GPC6: variants seen among roughly 807,000 people sequenced by gnomAD.
GPC6 encodes the protein glypican-6.
In GPC6, 14 loss-of-function variants were observed where a neutral mutation model predicts 55.2. That is an observed-to-expected ratio of 0.25 (90% CI 0.17 to 0.40). The LOEUF is 0.40. Ranked by LOEUF, GPC6 falls within the 10% of genes least tolerant of loss-of-function variation. The pLI, the probability that GPC6 is intolerant of heterozygous loss-of-function variation, is 1.00. For synonymous variants in GPC6, 278 were observed against 259.6 expected (o/e 1.07, Z -0.68); for missense variants, 641 against 708.5 (o/e 0.90, Z 1.08).
intron 2 of GPC6, among the ~76,000 whole-genome samples, chr13:93,712,676 T>C (rs1883111797): frequency 6.6e-6 from 1 of 151,744 alleles, no homozygotes; most frequent in South Asian, 2.1e-4. Context: ...TGATATATTT[T>C]GTCCTGTTTT....
intron 2 of GPC6, among the ~76,000 whole-genome samples, chr13:93,696,883 CAA>C (rs1450485986): frequency 6.6e-6 from 1 of 152,056 alleles, no homozygotes; most frequent in Admixed American, 6.6e-5. Flanking sequence ...CTCGGCCTCC[CAA>C]AGTGCTAGGA....
chr13:93,969,895 C>G (rs1363806700), intron 3 of GPC6, among the ~76,000 whole-genome samples: 1 of 152,104 alleles, frequency 6.6e-6, no homozygotes, highest in Non-Finnish European at 1.5e-5. Context: ...GCGCAAATGA[C>G]AGGATTTCAT....
chr13:94,331,679 C>A (rs540402355), intron 6 of GPC6, among the ~76,000 whole-genome samples: 2 of 152,068 alleles, frequency 1.3e-5, no homozygotes, highest in South Asian at 4.1e-4. Flanking sequence ...CATGCATTTC[C>A]AAATAGTATG....
upstream of GPC6, chr13:93,226,481 A>G (rs1374097084): frequency 1.3e-5 from 2 of 152,214 alleles, no homozygotes; most frequent in Non-Finnish European, 1.5e-5. Flanking sequence ...ACTCCCGTCT[A>G]TGACTATTTC....
At chr13:93,969,145 CTA>C (rs1231785629) in intron 3 of GPC6, among the ~76,000 whole-genome samples, 3 of 152,166 alleles carry the variant, frequency 2.0e-5, no homozygotes, top group African/African-American at 7.2e-5. Flanking sequence ...ATCTTCCCAG[CTA>C]TGTTCTACTT....
At chr13:94,288,240 A>G (rs1892584484) in intron 5 of GPC6, among the ~76,000 whole-genome samples, 2 of 152,258 alleles carry the variant, frequency 1.3e-5, no homozygotes, top group Middle Eastern at 3.4e-3. Context: ...GGGCCTGGAC[A>G]TATTTGAACA....
chr13:93,618,606 G>A (rs1215470565), intron 2 of GPC6, among the ~76,000 whole-genome samples: 1 of 152,094 alleles, frequency 6.6e-6, no homozygotes, highest in Non-Finnish European at 1.5e-5. Flanking sequence ...ATGGAAGAAG[G>A]TTGAAAATTC....
chr13:93,675,693 A>G (rs1442802487), intron 2 of GPC6, among the ~76,000 whole-genome samples: 1 of 152,140 alleles, frequency 6.6e-6, no homozygotes, highest in Non-Finnish European at 1.5e-5. Context: ...ATTCTTAAAA[A>G]TGTCGTCAAG....
At chr13:94,335,051 ACT>A (rs1328734440) in intron 6 of GPC6, among the ~76,000 whole-genome samples, 1 of 151,966 alleles carries the variant, frequency 6.6e-6, no homozygotes, top group Non-Finnish European at 1.5e-5. Context: ...TTGGTCCATG[ACT>A]CTCAGTCCAG....
At chr13:93,905,264 T>C (rs1167356681) in intron 3 of GPC6, among the ~76,000 whole-genome samples, 1 of 152,138 alleles carries the variant, frequency 6.6e-6, no homozygotes, top group Non-Finnish European at 1.5e-5. Flanking sequence ...GCTTTGTCTC[T>C]TACTCTATAT....
At chr13:93,489,786 A>T (rs980544792) in intron 1 of GPC6, among the ~76,000 whole-genome samples, 1 of 151,374 alleles carries the variant, frequency 6.6e-6, no homozygotes, top group African/African-American at 2.4e-5. Flanking sequence ...ATTGGTGTAT[A>T]AGAATGCTTG....
intron 2 of GPC6, among the ~76,000 whole-genome samples, chr13:93,754,472 A>C (rs1436060503): frequency 6.6e-6 from 1 of 152,152 alleles, no homozygotes; most frequent in East Asian, 1.9e-4. Flanking sequence ...AAAGAGATAA[A>C]TAATTAATCG....
At chr13:93,872,308 T>TA (rs930151829) in intron 3 of GPC6, among the ~76,000 whole-genome samples, 5 of 151,988 alleles carry the variant, frequency 3.3e-5, no homozygotes, top group African/African-American at 1.2e-4. Context: ...CAAACTGTGA[T>TA]ACAATGGTTA....
chr13:94,372,981 C>A (rs1454067622), intron 6 of GPC6, among the ~76,000 whole-genome samples: 1 of 152,160 alleles, frequency 6.6e-6, no homozygotes, highest in Non-Finnish European at 1.5e-5. Context: ...CAGGGTATTC[C>A]AACAGACCTG....
intron 3 of GPC6, among the ~76,000 whole-genome samples, chr13:93,878,584 G>T (rs1325017736): frequency 6.6e-6 from 1 of 152,018 alleles, no homozygotes; most frequent in African/African-American, 2.4e-5. Flanking sequence ...CACCATGTTG[G>T]CCAGGCTGGT....
chr13:94,222,067 T>C (rs1890401808), intron 4 of GPC6, among the ~76,000 whole-genome samples: 1 of 151,988 alleles, frequency 6.6e-6, no homozygotes, highest in Admixed American at 6.6e-5. Context: ...GCTTAATCTA[T>C]TCATATCCAG....
intron 1 of GPC6, among the ~76,000 whole-genome samples, chr13:93,394,749 T>C (rs1302639071): frequency 6.6e-6 from 1 of 152,196 alleles, no homozygotes; most frequent in East Asian, 1.9e-4. Context: ...TCACTGGAAG[T>C]TCCACTGTGA....
At chr13:93,395,076 C>A in intron 1 of GPC6, 2 of 263,848 alleles carry the variant, frequency 7.6e-6, no homozygotes, top group South Asian at 1.1e-4. Flanking sequence ...TTGTAATTGC[C>A]AAAATCATTG....
At chr13:93,691,860 C>T (rs994857786) in intron 2 of GPC6, among the ~76,000 whole-genome samples, 3 of 151,814 alleles carry the variant, frequency 2.0e-5, no homozygotes, top group Non-Finnish European at 4.4e-5. Context: ...TTTTAGTGAG[C>T]AAAATAATCA....
Sources: gnomAD v4.1 joint callset for allele counts (sites outside exome capture counted in the v4.1 genomes callset) on GRCh38, gnomAD v4.1.1 for gene constraint, MANE v1.5 for transcripts, NCBI Gene and HGNC (gene_info 2026-07-23, HGNC 2026-07-21) for gene names.